The following LYSMD1 variants were observed in gnomAD, a reference collection of about 807,000 sequenced individuals.
LYSMD1 encodes lysM and putative peptidoglycan-binding domain-containing protein 1.
LYSMD1 carries 9 observed loss-of-function variants against 19.3 expected under a neutral mutation model. The ratio of observed to expected loss-of-function variants is 0.47; its 90% CI spans 0.28 to 0.81. The LOEUF is 0.81. Among genes scored for constraint, LYSMD1 ranks in the 40% least tolerant of loss-of-function variants. LYSMD1 has a pLI of 0.11. For synonymous variants in LYSMD1, 111 were observed against 111.7 expected, an observed-to-expected ratio of 0.99 and a Z score of 0.04; for missense variants, 262 against 279.8, an observed-to-expected ratio of 0.94 and a Z score of 0.45.
chr1:151,160,992 G>C lies in LYSMD1; in HGVS notation c.574C>G (p.Leu192Val). Residue 192 changes from leucine (L) to valine (V), a missense_variant, in exon 3 of 3, where the codon CTG (leucine) becomes GTG (valine). Leu to Val is a conservative substitution (Grantham distance 32). Coordinates refer to ENST00000368908, the MANE Select transcript of LYSMD1 (RefSeq NM_212551.5). ...CGTTGCTGCATCCAAGGGGAGCTCA[G>C]GTGGAGACCTGCATCCTCCCCAGGT... is the stretch of plus-strand genomic sequence containing the variant. Reference protein sequence around the residue: ...GVPGEDAGLHLSSPWMQQRAV... With the variant: ...GVPGEDAGLHVSSPWMQQRAV... The C allele has an allele frequency of 6.2e-7, 1 of 1,614,184 alleles. No homozygotes were observed.
intron 2 of LYSMD1, among the ~76,000 whole-genome samples, chr1:151,161,235 C>T (rs1246965236): frequency 1.3e-5 from 2 of 152,304 alleles, no homozygotes; most frequent in Admixed American, 6.5e-5. Flanking sequence ...CTGTGGCTCA[C>T]GCCTGTAATT....
the LYSMD1 span, among the ~76,000 whole-genome samples, chr1:151,149,006 G>A: frequency 6.6e-6 from 1 of 152,186 alleles, no homozygotes. Context: ...AGGTTTAAAG[G>A]TGAGGGGAGA....
downstream of LYSMD1, among the ~76,000 whole-genome samples, chr1:151,155,104 T>C (rs902973167): frequency 6.6e-6 from 1 of 152,206 alleles, no homozygotes; most frequent in Non-Finnish European, 1.5e-5. Context: ...TCTTTTTCCT[T>C]CTTCACTTAT....
downstream of LYSMD1, among the ~76,000 whole-genome samples, chr1:151,158,467 C>G (rs587617179): frequency 1.4e-4 from 22 of 152,158 alleles, no homozygotes; most frequent in South Asian, 4.6e-3. Context: ...TCGCCACTCC[C>G]GTGGGCTGTT....
At chr1:151,153,603 C>T in the LYSMD1 span, among the ~76,000 whole-genome samples, 1 of 150,636 alleles carries the variant, frequency 6.6e-6, no homozygotes, top group African/African-American at 2.4e-5. Flanking sequence ...TGCAGTGAGC[C>T]GAGATCACGC....
downstream of LYSMD1, among the ~76,000 whole-genome samples, chr1:151,156,100 C>CAAAAAAAA (rs751524835): frequency 2.6e-5 from 1 of 38,122 alleles, no homozygotes; most frequent in Non-Finnish European, 5.2e-5. Context: ...AACTCTGTCT[C>CAAAAAAAA]AAAAAAAAAA....
downstream of LYSMD1, chr1:151,159,283 C>T (rs748389359): frequency 6.3e-7 from 1 of 1,579,900 alleles, no homozygotes; most frequent in Non-Finnish European, 8.6e-7. Flanking sequence ...TCCACCTTGA[C>T]AAAATGGTTG....
rs11204784 is a variant in LYSMD1 at position 151,159,899 on chromosome 1, C to T, written c.*983G>A. On this transcript the variant is annotated 3_prime_UTR_variant, in exon 3 of 3. Coordinates refer to ENST00000368908, the MANE Select transcript of LYSMD1 (RefSeq NM_212551.5). ...TCCATTATTACTGAGGTTCCCTTAC[C>T]TACTTCTGTTTAAGAAACAAAACAA... The T allele has an allele frequency of 0.047, 7,805 of 166,394 alleles. 698 individuals are homozygous for T. Among genetic ancestry groups the T allele is most frequent in the African/African-American group, 0.18 (7,369 of 41,406 alleles). The allele number at this position is 166,394 out of a possible 1,614,324, so 10.3% of individuals were successfully genotyped here.
chr1:151,162,354 G>A (rs963772038), intron 1 of LYSMD1, among the ~76,000 whole-genome samples: 2 of 152,158 alleles, frequency 1.3e-5, no homozygotes, highest in African/African-American at 4.8e-5. Flanking sequence ...CTACTCAGGA[G>A]GCTGAGGAGG....
At chr1:151,159,241 G>C (rs1026715430), downstream of LYSMD1, 7 of 1,611,740 alleles carry the variant, frequency 4.3e-6, no homozygotes, top group Non-Finnish European at 5.9e-6. Context: ...GCTAGACGAA[G>C]GGAAGCTCTG....
At chr1:151,154,599 A>G in the LYSMD1 span, among the ~76,000 whole-genome samples, 1 of 152,010 alleles carries the variant, frequency 6.6e-6, no homozygotes, top group Non-Finnish European at 1.5e-5. Context: ...AGAAGTTATT[A>G]TTGTATTTGC....
At chr1:151,152,408 TAAATAA>T in the LYSMD1 span, among the ~76,000 whole-genome samples, 6 of 115,018 alleles carry the variant, frequency 5.2e-5, no homozygotes, top group African/African-American at 2.0e-4. Context: ...AAAAAGTAAA[TAAATAA>T]AAATAGGACA....
chr1:151,149,492 G>A, the LYSMD1 span, among the ~76,000 whole-genome samples: 1 of 152,166 alleles, frequency 6.6e-6, no homozygotes, highest in Non-Finnish European at 1.5e-5. Context: ...ACTCAGGCCT[G>A]TAATCCTAGC....
chr1:151,157,819 A>G (rs1395506721), downstream of LYSMD1, among the ~76,000 whole-genome samples: 1 of 152,194 alleles, frequency 6.6e-6, no homozygotes, highest in Non-Finnish European at 1.5e-5. Context: ...TATTACTCCT[A>G]TTAGGATTCC....
the LYSMD1 span, among the ~76,000 whole-genome samples, chr1:151,154,441 C>T: frequency 6.8e-6 from 1 of 146,384 alleles, no homozygotes; most frequent in African/African-American, 2.6e-5. Context: ...CATCACTGCA[C>T]TCCAGCCTGG....
At chr1:151,156,010 G>C (rs1248532870), downstream of LYSMD1, among the ~76,000 whole-genome samples, 1 of 138,582 alleles carries the variant, frequency 7.2e-6, no homozygotes, top group Non-Finnish European at 1.5e-5. Flanking sequence ...TGAGGCAGGA[G>C]AATCACTTGA....
chr1:151,158,641 A>G (rs1683314121), downstream of LYSMD1: 24 of 1,418,980 alleles, frequency 1.7e-5, no homozygotes, highest in Admixed American at 2.3e-5. Flanking sequence ...TCTCTTTCTA[A>G]GGAAGCCTGT....
chr1:151,157,680 A>G (rs587644905), downstream of LYSMD1, among the ~76,000 whole-genome samples: 49 of 152,318 alleles, frequency 3.2e-4, no homozygotes, highest in African/African-American at 4.8e-4. Context: ...CCAAATTGCT[A>G]TATTTCTCTT....
chr1:151,153,898 A>G, the LYSMD1 span, among the ~76,000 whole-genome samples: 1 of 151,764 alleles, frequency 6.6e-6, no homozygotes, highest in African/African-American at 2.4e-5. Context: ...GGTTGCAGTG[A>G]GCCGAGATTG....
Sources: allele counts gnomAD v4.1 joint callset (sites outside exome capture counted in the v4.1 genomes callset), GRCh38; gene constraint gnomAD v4.1.1; transcripts MANE v1.5; gene names NCBI Gene and HGNC (gene_info 2026-07-23, HGNC 2026-07-21).